NEK11: variants seen among roughly 807,000 people sequenced by gnomAD.
NEK11 encodes NIMA related kinase 11, also known as serine/threonine-protein kinase Nek11.
NEK11 carries 72 observed loss-of-function variants against 80.7 expected under a neutral mutation model. That is an observed-to-expected ratio of 0.89 (90% confidence interval 0.74 to 1.08). The LOEUF (loss-of-function observed/expected upper bound fraction) is 1.08. Among genes scored for constraint, NEK11 ranks in the 50% least tolerant of loss-of-function variants. The pLI, the probability that NEK11 is intolerant of heterozygous loss-of-function variation, is 0.00. For missense variants in NEK11, 764 were observed against 763.6 expected, an observed-to-expected ratio of 1.00 and a Z score of -0.01; for synonymous variants, 251 against 260.7, an observed-to-expected ratio of 0.96 and a Z score of 0.36.
At position 131,350,080 on chromosome 3, in the gene NEK11, G is replaced by T. The variant is rs776493929; in HGVS notation, c.*304G>T. On this transcript the variant is annotated 3_prime_UTR_variant, in exon 18 of 18. Coordinates refer to ENST00000383366, the MANE Select transcript of NEK11 (RefSeq NM_024800.5). ...TCCAGCAGGATTGAGTCACCCTGAC[G>T]ATGACCGGGGAGAAGCCGTGTGCTC... 6.4e-6 allele frequency: 2 copies of T among 314,072 alleles called. No homozygotes were observed. The highest frequency in any genetic ancestry group is 1.2e-5 in the Non-Finnish European group (2 of 166,254). 19.5% of individuals were successfully genotyped at this position (314,072 alleles called of 1,614,324 possible). A position where few individuals can be genotyped will look rare whatever the true frequency, so the allele number is the denominator to read the frequency against.
At chr3:131,069,697 AATC>A (rs1400598562) in intron 3 of NEK11, among the ~76,000 whole-genome samples, 1 of 151,662 alleles carries the variant, frequency 6.6e-6, no homozygotes, top group Non-Finnish European at 1.5e-5. Context: ...TGAAATTGGA[AATC>A]ATCATTCTCA....
At chr3:131,190,736 G>T (rs983351390) in intron 14 of NEK11, among the ~76,000 whole-genome samples, 3 of 152,126 alleles carry the variant, frequency 2.0e-5, no homozygotes, top group Admixed American at 2.0e-4. Context: ...GTTTAGTGGG[G>T]CATTGAATCT....
intron 17 of NEK11, among the ~76,000 whole-genome samples, chr3:131,320,194 A>G (rs951637883): frequency 2.0e-5 from 3 of 152,186 alleles, no homozygotes; most frequent in African/African-American, 7.2e-5. Flanking sequence ...TTATTAACAC[A>G]GGTTTATGCT....
intron 3 of NEK11, among the ~76,000 whole-genome samples, chr3:131,078,280 C>G (rs777218925): frequency 6.6e-6 from 1 of 152,040 alleles, no homozygotes; most frequent in Non-Finnish European, 1.5e-5. Flanking sequence ...AGAAGGTTTT[C>G]CTTATGAGAT....
intron 16 of NEK11, among the ~76,000 whole-genome samples, chr3:131,258,183 G>A (rs2095850995): frequency 6.6e-6 from 1 of 152,022 alleles, no homozygotes; most frequent in Non-Finnish European, 1.5e-5. Context: ...GGGAGGGGGT[G>A]AGGAATAAAA....
At chr3:131,066,557 C>T (rs895873505) in intron 3 of NEK11, among the ~76,000 whole-genome samples, 3 of 151,920 alleles carry the variant, frequency 2.0e-5, no homozygotes, top group Admixed American at 1.3e-4. Flanking sequence ...GGGCCAGGTG[C>T]GGTGGCTCAC....
At chr3:131,152,346 G>A (rs905782421) in intron 7 of NEK11, 42 bp from the exon 8 acceptor site, 1 of 1,536,030 alleles carries the variant, frequency 6.5e-7, no homozygotes, top group Non-Finnish European at 8.8e-7. Context: ...ATTTAAAATA[G>A]GATATTTGTT....
chr3:131,041,681 C>T (rs186522996), intron 3 of NEK11, among the ~76,000 whole-genome samples: 39 of 152,172 alleles, frequency 2.6e-4, no homozygotes, highest in African/African-American at 8.7e-4. Context: ...AATAATATCC[C>T]GTTCTGATGG....
At chr3:131,277,856 AGTT>A in intron 17 of NEK11, among the ~76,000 whole-genome samples, 1 of 152,284 alleles carries the variant, frequency 6.6e-6, no homozygotes, top group Non-Finnish European at 1.5e-5. Flanking sequence ...TGCCTCATAG[AGTT>A]GTTGTTAGGG....
At chr3:131,332,547 A>C (rs1253206458) in intron 17 of NEK11, among the ~76,000 whole-genome samples, 1 of 152,256 alleles carries the variant, frequency 6.6e-6, no homozygotes, top group African/African-American at 2.4e-5. Flanking sequence ...GGAAACTCTA[A>C]AAAACAGAGC....
chr3:131,126,998 T>C (rs1267083095), intron 5 of NEK11, among the ~76,000 whole-genome samples: 2 of 140,438 alleles, frequency 1.4e-5, no homozygotes. Flanking sequence ...AGAGTCTCAC[T>C]CTTGTTGCCC....
chr3:131,090,004 ATTGCAGGGGTTTTT>A (rs1425278347), intron 4 of NEK11, among the ~76,000 whole-genome samples: 4 of 152,176 alleles, frequency 2.6e-5, no homozygotes, highest in African/African-American at 9.6e-5. Context: ...AGCCTTAAAC[ATTGCAGGGGTTTTT>A]TTGTTTTTGT....
At chr3:131,218,277 TAG>T (rs2094908416) in intron 14 of NEK11, among the ~76,000 whole-genome samples, 2 of 152,202 alleles carry the variant, frequency 1.3e-5, no homozygotes, top group South Asian at 4.2e-4. Flanking sequence ...TGTGTGTATA[TAG>T]AGTTTGGTGT....
chr3:131,065,716 A>G (rs1420192674), intron 3 of NEK11, among the ~76,000 whole-genome samples: 1 of 152,196 alleles, frequency 6.6e-6, no homozygotes, highest in Admixed American at 6.5e-5. Context: ...GACTCTAACT[A>G]TAAACTTCAG....
intron 3 of NEK11, among the ~76,000 whole-genome samples, chr3:131,044,380 C>T (rs975161028): frequency 4.0e-5 from 3 of 74,890 alleles, no homozygotes; most frequent in Non-Finnish European, 7.4e-5. Context: ...AACATAGGCT[C>T]AAAACAAAGG....
At chr3:131,049,997 G>GC (rs1274629694) in intron 3 of NEK11, among the ~76,000 whole-genome samples, 1 of 151,740 alleles carries the variant, frequency 6.6e-6, no homozygotes, top group Non-Finnish European at 1.5e-5. Context: ...CATTAATATG[G>GC]CCCCTATTGA....
chr3:131,224,755 T>C (rs2095139279), intron 14 of NEK11, among the ~76,000 whole-genome samples: 1 of 152,056 alleles, frequency 6.6e-6, no homozygotes, highest in African/African-American at 2.4e-5. Context: ...TGTGTAGCAG[T>C]AGACTAATGT....
intron 5 of NEK11, among the ~76,000 whole-genome samples, chr3:131,118,518 T>C (rs753829194): frequency 6.6e-6 from 1 of 152,244 alleles, no homozygotes; most frequent in Non-Finnish European, 1.5e-5. Flanking sequence ...CCTCTTTTTC[T>C]GTTGATTAGA....
At chr3:131,163,113 G>A (rs986502568) in intron 11 of NEK11, among the ~76,000 whole-genome samples, 4 of 152,166 alleles carry the variant, frequency 2.6e-5, no homozygotes, top group African/African-American at 7.2e-5. Context: ...GTAGAGAAAA[G>A]GGAACCCTTG....
Sources: allele counts gnomAD v4.1 joint callset (sites outside exome capture counted in the v4.1 genomes callset), GRCh38; gene constraint gnomAD v4.1.1; transcripts MANE v1.5; gene names NCBI Gene and HGNC (gene_info 2026-07-23, HGNC 2026-07-21).